Variants in SLC30A9 observed in about 807,000 individuals in gnomAD.
SLC30A9 encodes the protein solute carrier family 30 member 9, also known as proton-coupled zinc antiporter SLC30A9, mitochondrial.
A neutral mutation model predicts 87.5 loss-of-function variants in SLC30A9; 58 were observed. The ratio of observed to expected loss-of-function variants is 0.66; its 90% CI spans 0.54 to 0.82. The LOEUF is 0.82. Among genes scored for constraint, SLC30A9 ranks in the 40% least tolerant of loss-of-function variants. SLC30A9 has a pLI of 0.00. For synonymous variants in SLC30A9, 234 were observed against 233.0 expected (o/e 1.00, Z -0.04); for missense variants, 557 against 679.1 (o/e 0.82, Z 2.00).
chr4:42,009,926 C>A lies in SLC30A9; in HGVS notation c.274+8146C>A, dbSNP rs553358524. 2.6e-5 allele frequency among the ~76,000 whole-genome samples: 4 copies of A among 152,330 alleles called. No homozygotes were observed. The South Asian group carries it at 8.3e-4, about 32-fold the overall frequency. On this transcript the variant is annotated intron_variant, in intron 2 of 17. Coordinates refer to ENST00000264451, the MANE Select transcript of SLC30A9 (RefSeq NM_006345.4). ...CCTTCACTCCTCTCTGCCCTGCTCT[C>A]TGTTTCCCAAAGCTAAATTGTAAGA... is the stretch of plus-strand genomic sequence containing the variant.
chr4:42,082,014 G>A (rs1172359821), intron 17 of SLC30A9, among the ~76,000 whole-genome samples: 12 of 151,696 alleles, frequency 7.9e-5, no homozygotes, highest in African/African-American at 1.9e-4. Context: ...TCAGGAGATC[G>A]AGACCATCCT....
intron 1 of SLC30A9, among the ~76,000 whole-genome samples, chr4:41,991,469 C>G (rs553587080): frequency 2.0e-5 from 3 of 152,324 alleles, no homozygotes; most frequent in African/African-American, 7.2e-5. Context: ...TCCAAAATAA[C>G]ATTGAACTAA....
At chr4:42,029,147 C>T (rs1312220334) in intron 6 of SLC30A9, 22 of 355,456 alleles carry the variant, frequency 6.2e-5, no homozygotes, top group African/African-American at 2.2e-5. Flanking sequence ...TCAGAGAACA[C>T]GAGGGCGTGC....
intron 15 of SLC30A9, 34 bp from the exon 16 acceptor site, chr4:42,075,623 T>C: frequency 2.5e-6 from 4 of 1,585,276 alleles, no homozygotes; most frequent in Non-Finnish European, 3.5e-6. Flanking sequence ...TATGTATGTA[T>C]AAATAAATTT....
intron 9 of SLC30A9, among the ~76,000 whole-genome samples, chr4:42,051,128 A>G (rs569040275): frequency 6.6e-6 from 1 of 152,328 alleles, no homozygotes; most frequent in African/African-American, 2.4e-5. Flanking sequence ...GGTTCTGACT[A>G]GCTGACGTAA....
intron 6 of SLC30A9, among the ~76,000 whole-genome samples, chr4:42,034,315 G>A (rs1309235432): frequency 6.6e-6 from 1 of 151,890 alleles, no homozygotes; most frequent in African/African-American, 2.4e-5. Flanking sequence ...CATTTTTAAA[G>A]GTACAGTTCA....
Position 42,070,617 on chromosome 4 carries a change from A to G in SLC30A9, c.1344A>G (p.Ala448=), listed in dbSNP as rs1179482583. 1 of 1,614,076 alleles carries G rather than the reference A, an allele frequency of 6.2e-7. No homozygotes were observed. ...TCCTCATCTACACTAACACAGAAGCACTCTTAGGGCGGTCCATCCAGCCAG... is the reference window on the plus strand; with the variant it reads ...TCCTCATCTACACTAACACAGAAGCGCTCTTAGGGCGGTCCATCCAGCCAG... The part of the protein sequence containing the change: ...SAFLIYTNTE[A]LLGRSIQPEQ... Residue 448 remains alanine, a synonymous_variant, in exon 15 of 18, where the codon GCA becomes GCG. Transcript: ENST00000264451.
chr4:42,042,927 G>T (rs1716982231), intron 8 of SLC30A9, among the ~76,000 whole-genome samples: 1 of 152,170 alleles, frequency 6.6e-6, no homozygotes, highest in African/African-American at 2.4e-5. Flanking sequence ...TTGATACCCA[G>T]GTAAACAGGG....
At position 42,053,695 on chromosome 4, in the gene SLC30A9, C is replaced by CAAAAAAAA. The variant is rs56190460; in HGVS notation, c.840+4238_840+4245dup. Among the ~76,000 whole-genome samples, 136 of 55,920 alleles carry CAAAAAAAA rather than the reference C, an allele frequency of 2.4e-3. 15 individuals carry two copies. The highest frequency in any genetic ancestry group is 4.1e-3 in the South Asian group (5 of 1,224). 36.7% of individuals were successfully genotyped at this position (55,920 alleles called of 152,430 possible). ...TGGATGACAAGAGTGACTCGGTCTC[C>CAAAAAAAA]AAAAAAAAAAAAAAAAAAAAAAAAA... On this transcript the variant is annotated intron_variant, in intron 9 of 17. Transcript: ENST00000264451.
At chr4:41,992,614 A>T (rs1477344704) in intron 1 of SLC30A9, among the ~76,000 whole-genome samples, 5 of 152,260 alleles carry the variant, frequency 3.3e-5, no homozygotes, top group Non-Finnish European at 7.3e-5. Flanking sequence ...TGAAACACAG[A>T]TAATTATTAC....
At chr4:42,071,602 A>G (rs1718309056) in intron 15 of SLC30A9, among the ~76,000 whole-genome samples, 1 of 151,544 alleles carries the variant, frequency 6.6e-6, no homozygotes, top group African/African-American at 2.4e-5. Flanking sequence ...GTTTGAGGCT[A>G]GTGTGCAATG....
intron 1 of SLC30A9, among the ~76,000 whole-genome samples, chr4:41,992,379 C>A (rs1056815491): frequency 6.6e-6 from 1 of 151,584 alleles, no homozygotes; most frequent in African/African-American, 2.4e-5. Context: ...ATGAATCATA[C>A]GTTTATACTG....
intron 2 of SLC30A9, among the ~76,000 whole-genome samples, chr4:42,004,425 G>T (rs1715110895): frequency 6.6e-6 from 1 of 151,914 alleles, no homozygotes; most frequent in African/African-American, 2.4e-5. Context: ...TCCCATTTCT[G>T]TATTATCTCC....
intron 2 of SLC30A9, among the ~76,000 whole-genome samples, chr4:42,011,536 A>G (rs1040181814): frequency 1.3e-5 from 2 of 152,220 alleles, no homozygotes; most frequent in African/African-American, 2.4e-5. Context: ...GCATAGAGGT[A>G]TTAGAATGAA....
chr4:42,016,891 C>T (rs1383895654), intron 2 of SLC30A9, among the ~76,000 whole-genome samples: 1 of 152,154 alleles, frequency 6.6e-6, no homozygotes. Context: ...CAGAGTCCTG[C>T]TCTGAACACT....
At chr4:42,056,171 A>AT (rs11372158) in intron 9 of SLC30A9, among the ~76,000 whole-genome samples, 151,283 of 152,054 alleles carry the variant, frequency 0.99, 75,266 homozygotes, top group Middle Eastern at 1. Flanking sequence ...AATATTAAGG[A>AT]TTTTTAAATA....
intron 16 of SLC30A9, among the ~76,000 whole-genome samples, chr4:42,077,742 TA>T (rs1718611155): frequency 6.6e-6 from 1 of 152,168 alleles, no homozygotes; most frequent in Non-Finnish European, 1.5e-5. Context: ...ACAAAATATT[TA>T]ATATGATTTT....
chr4:42,065,152 T>C (rs1718029923), intron 11 of SLC30A9, among the ~76,000 whole-genome samples, 158 bp from the exon 12 acceptor site: 1 of 152,220 alleles, frequency 6.6e-6, no homozygotes, highest in Non-Finnish European at 1.5e-5. Context: ...TATTCATATC[T>C]CATTGTCCTC....
rs1225778550 is a variant in SLC30A9 at position 42,063,099 on chromosome 4, A to G, written c.1010A>G (p.Gln337Arg). The G allele has an allele frequency of 6.2e-7, 1 of 1,613,732 alleles. No homozygotes were observed. Among genetic ancestry groups the G allele is most frequent in the Non-Finnish European group, 8.5e-7 (1 of 1,179,862 alleles). The change falls in exon 11 of 18, where the codon CAA becomes CGA. Residue 337 changes from glutamine (Q) to arginine (R), a missense_variant. By Grantham distance (43) the Gln-to-Arg change is conservative. Coordinates refer to ENST00000264451, the MANE Select transcript of SLC30A9 (RefSeq NM_006345.4). ...YHGVMGLLHP[Q>R]PIESLLWAYC... ...GGAGTCATGGGATTGCTTCATCCTC[A>G]ACCAATAGAATCCCTTCTATGGGTA...
Sources: gnomAD v4.1 joint callset for allele counts (sites outside exome capture counted in the v4.1 genomes callset) on GRCh38, gnomAD v4.1.1 for gene constraint, MANE v1.5 for transcripts, NCBI Gene and HGNC (gene_info 2026-07-23, HGNC 2026-07-21) for gene names.